The following EPX variants were observed in gnomAD, a reference collection of about 807,000 sequenced individuals.
EPX encodes eosinophil peroxidase.
In EPX, 60 loss-of-function variants were observed where a neutral mutation model predicts 73.0. The ratio of observed to expected loss-of-function variants is 0.82; its 90% CI spans 0.67 to 1.02. The LOEUF is 1.02. EPX is among the 50% of genes least tolerant of loss of function. The probability of loss-of-function intolerance (pLI) is 0.00; values close to 1 mark genes in which losing one functional copy is unlikely to be tolerated. For missense variants in EPX, 950 were observed against 973.9 expected, an observed-to-expected ratio of 0.98 and a Z score of 0.33; for synonymous variants, 347 against 389.2, an observed-to-expected ratio of 0.89 and a Z score of 1.28.
chr17:58,193,046 G>A lies in EPX; in HGVS notation c.85G>A (p.Gly29Arg). The A allele has an allele frequency of 6.2e-7, 1 of 1,611,912 alleles. No homozygotes were observed. Among genetic ancestry groups the A allele is most frequent in the South Asian group, 1.1e-5 (1 of 91,054 alleles). The change falls in exon 2 of 13, where the codon GGG (glycine) becomes AGG (arginine). Residue 29 changes from glycine (G) to arginine (R), a missense_variant. Coordinates refer to ENST00000225371, the MANE Select transcript of EPX (RefSeq NM_000502.6). ...PCEGTDPASP[G>R]AVETSVLRDC... The stretch of plus-strand genomic sequence containing the variant: ...CCCATCTCTTTGAACAGCCTCCCCT[G>A]GGGCAGTGGAGACCTCGGTCCTGCG...
At chr17:58,196,017 T>TTCC (rs1968250448) in intron 6 of EPX, among the ~76,000 whole-genome samples, 1 of 142,636 alleles carries the variant, frequency 7.0e-6, no homozygotes, top group African/African-American at 2.7e-5. Flanking sequence ...CCTTCCTTCA[T>TTCC]TTCCTTCCTT....
rs553765377 is a variant in EPX at position 58,196,959 on chromosome 17, C to T, written c.822C>T (p.Arg274=). The T allele has an allele frequency of 6.2e-7, 1 of 1,614,016 alleles. No individual in the cohort carries two copies. Among genetic ancestry groups the T allele is most frequent in the East Asian group, 2.2e-5 (1 of 44,882 alleles). The change falls in exon 7 of 13, where the codon CGC becomes CGT. Residue 274 remains arginine (R), a synonymous_variant. Transcript: ENST00000225371. ...CTCAGATCCCACCCAATGACCCCCG[C>T]ATCAAGAACCAGCGTGACTGCATCC... ...FPIKIPPNDP[R]IKNQRDCIPF...
In EPX at chr17:58,199,044, C is replaced by T. The variant is rs765814728; in HGVS notation, c.1125C>T (p.Asp375=). ...TCTGAGCTTGGGGTTTTCAAGGTGACACCCGATCAACGGAAACCCCCAAAC... is the reference window on the plus strand; with the variant it reads ...TCTGAGCTTGGGGTTTTCAAGGTGATACCCGATCAACGGAAACCCCCAAAC... ...SARIPCFLAG[D]TRSTETPKLA... Residue 375 remains aspartate, a synonymous_variant, in exon 8 of 13, where the codon GAC becomes GAT. Transcript: ENST00000225371. 6.2e-7 allele frequency: 1 copy of T among 1,613,646 alleles called. No homozygotes were observed. The highest frequency in any genetic ancestry group is 8.5e-7 in the Non-Finnish European group (1 of 1,179,976).
rs1968409729 is a variant in EPX at position 58,204,850 on chromosome 17, G to C, written c.*126G>C. On this transcript the variant is annotated 3_prime_UTR_variant, in exon 13 of 13. Transcript: ENST00000225371. ...TGACGCTTCTGCTGGCTACAGCTCA[G>C]AGCTGGGTTCCCCAGCCAGGAGTGA... is the stretch of plus-strand genomic sequence containing the variant. The C allele has an allele frequency of 4.6e-6, 1 of 216,366 alleles. No homozygotes were observed. The highest frequency in any genetic ancestry group is 2.3e-5 in the African/African-American group (1 of 43,782). The allele number at this position is 216,366 out of a possible 1,614,324, so 13.4% of individuals were successfully genotyped here. A position where few individuals can be genotyped will look rare whatever the true frequency, so the allele number is the denominator to read the frequency against.
At chr17:58,203,596 G>A (rs8077426) in intron 11 of EPX, among the ~76,000 whole-genome samples, 36,065 of 151,782 alleles carry the variant, frequency 0.24, 4,538 homozygotes, top group African/African-American at 0.31. Context: ...GAAAACATGG[G>A]CAGAAAGGGC....
rs1968410514 is a variant in EPX, at chr17:58,204,881, G to T, written c.*157G>T. 1 of 197,174 alleles carries T rather than the reference G, an allele frequency of 5.1e-6. No homozygotes were observed. Among genetic ancestry groups the T allele is most frequent in the Non-Finnish European group, 1.1e-5 (1 of 94,762 alleles). The allele number at this position is 197,174 out of a possible 1,614,324, so 12.2% of individuals were successfully genotyped here. A position where few individuals can be genotyped will look rare whatever the true frequency, so the allele number is the denominator to read the frequency against. ...GGTTCCCCAGCCAGGAGTGAAGGCT[G>T]GGGGCTCCTATCAGCAATGGACCTT... On this transcript the variant is annotated 3_prime_UTR_variant, in exon 13 of 13. Transcript: ENST00000225371.
At chr17:58,201,744 G>A (rs1241267334) in intron 10 of EPX, among the ~76,000 whole-genome samples, 2 of 152,116 alleles carry the variant, frequency 1.3e-5, no homozygotes, top group African/African-American at 2.4e-5. Flanking sequence ...TTCATGGCCC[G>A]ACCTCCTGTG....
chr17:58,199,661 G>A lies in EPX; in HGVS notation c.1404G>A (p.Leu468=). ...CACGGGTGGCCAATGTCTTCACCCT[G>A]GCCTTCCGCTTTGGCCACACAATGC... is the stretch of plus-strand genomic sequence containing the variant. The part of the protein sequence containing the change: ...VDPRVANVFT[L]AFRFGHTMLQ... Residue 468 remains leucine (L), a synonymous_variant, in exon 9 of 13, where the codon CTG becomes CTA. Coordinates refer to ENST00000225371, the MANE Select transcript of EPX (RefSeq NM_000502.6). 1 of 1,614,196 alleles carries A rather than the reference G, an allele frequency of 6.2e-7. No homozygotes were observed. Among genetic ancestry groups the A allele is most frequent in the Non-Finnish European group, 8.5e-7 (1 of 1,180,050 alleles).
chr17:58,193,186 G>T (rs537331786), intron 2 of EPX, 55 bp downstream of exon 2: 15 of 1,375,124 alleles, frequency 1.1e-5, no homozygotes, highest in Admixed American at 3.4e-5. Flanking sequence ...AGGGGCATGG[G>T]CCCCAGCCAA....
intron 5 of EPX, 57 bp downstream of exon 5, chr17:58,194,149 AAC>A: frequency 6.3e-7 from 1 of 1,578,896 alleles, no homozygotes; most frequent in South Asian, 1.1e-5. Flanking sequence ...CGGGGAGTAA[AAC>A]ACAGCCCAGA....
chr17:58,197,107 C>T lies in EPX; in HGVS notation c.970C>T (p.Arg324Trp), dbSNP rs139872491. The T allele has an allele frequency of 1.5e-4, 243 of 1,614,102 alleles. No homozygotes were observed. The highest frequency in any genetic ancestry group is 1.1e-3 in the Admixed American group (66 of 60,012). ...TGGCAGTGAGGTCTCCCTCTCGCTG[C>T]GGCTCCGCAACCGGACCAACTACCT... is the stretch of plus-strand genomic sequence containing the variant. ...VYGSEVSLSLRLRNRTNYLGL... is the reference protein window; with the variant it reads ...VYGSEVSLSLWLRNRTNYLGL... The change falls in exon 7 of 13, where the codon CGG becomes TGG. Residue 324 changes from arginine (R) to tryptophan (W), a missense_variant. Arg to Trp is a moderately radical substitution (Grantham distance 101, BLOSUM62 -3). Coordinates refer to ENST00000225371, the MANE Select transcript of EPX (RefSeq NM_000502.6).
chr17:58,193,714 A>T lies in EPX; in HGVS notation c.347A>T (p.Asp116Val). 6.2e-7 allele frequency: 1 copy of T among 1,609,672 alleles called. No homozygotes were observed. The highest frequency in any genetic ancestry group is 8.5e-7 in the Non-Finnish European group (1 of 1,177,592). Residue 116 changes from aspartate (D) to valine (V), a missense_variant and splice_region_variant, in exon 4 of 13, where the codon GAT becomes GTT. Physicochemically the swap from Asp to Val is radical, Grantham distance 152. Coordinates refer to ENST00000225371, the MANE Select transcript of EPX (RefSeq NM_000502.6). ...PQRSGPFNVT[D>V]VLTEPQLRLL... ...GGTCTGCCCATTTGCCTTCCCACAG[A>T]TGTGCTAACAGAACCACAGCTGCGG...
intron 6 of EPX, among the ~76,000 whole-genome samples, chr17:58,195,472 T>C (rs1968242766): frequency 6.6e-6 from 1 of 152,162 alleles, no homozygotes; most frequent in African/African-American, 2.4e-5. Flanking sequence ...GCCCCTGCTT[T>C]TGGCAACCTA....
At chr17:58,200,023 T>A (rs1368883114) in intron 9 of EPX, among the ~76,000 whole-genome samples, 3 of 152,242 alleles carry the variant, frequency 2.0e-5, no homozygotes, top group Non-Finnish European at 4.4e-5. Flanking sequence ...GTCAGATTGA[T>A]GGGGAGCTCA....
At position 58,200,383 on chromosome 17, in the gene EPX, C is replaced by A. The variant is rs1202343467; in HGVS notation, c.1696C>A (p.His566Asn). The A allele has an allele frequency of 6.2e-7, 1 of 1,614,130 alleles. No individual in the cohort carries two copies. The highest frequency in any genetic ancestry group is 1.3e-5 in the African/African-American group (1 of 75,050). The change falls in exon 10 of 13, where the codon CAC (histidine) becomes AAC (asparagine). Residue 566 changes from histidine to asparagine, a missense_variant. By Grantham distance (68) the His-to-Asn change is moderately conservative. Transcript: ENST00000225371. ...AALNMQRSRDHGLPGYNAWRR... is the reference protein window; with the variant it reads ...AALNMQRSRDNGLPGYNAWRR... ...TCTCAACATGCAACGAAGCCGGGAC[C>A]ACGGCCTTCCAGGTGAGGGGGCTGT...
intron 7 of EPX, among the ~76,000 whole-genome samples, chr17:58,197,834 C>CTTATTA (rs33937391): frequency 6.6e-6 from 1 of 151,732 alleles, no homozygotes. Flanking sequence ...AGATATTTAT[C>CTTATTA]TTATTATTAT....
chr17:58,193,215 C>T, intron 2 of EPX, 84 bp downstream of exon 2: 2 of 1,222,132 alleles, frequency 1.6e-6, no homozygotes, highest in Non-Finnish European at 2.4e-6. Context: ...CACTCATCAG[C>T]CACCTCTGGA....
chr17:58,199,450 A>G, intron 8 of EPX, 89 bp from the exon 9 acceptor site: 2 of 1,438,556 alleles, frequency 1.4e-6, no homozygotes, highest in Non-Finnish European at 1.9e-6. Context: ...ACGTGATGAC[A>G]ATAAAGAATA....
intron 10 of EPX, among the ~76,000 whole-genome samples, chr17:58,201,975 C>T (rs547543148): frequency 6.6e-6 from 1 of 152,330 alleles, no homozygotes; most frequent in South Asian, 2.1e-4. Context: ...CTCCTCTAAT[C>T]CCTTCCCAAG....
Sources: gnomAD v4.1 joint callset for allele counts (sites outside exome capture counted in the v4.1 genomes callset) on GRCh38, gnomAD v4.1.1 for gene constraint, MANE v1.5 for transcripts, NCBI Gene and HGNC (gene_info 2026-07-23, HGNC 2026-07-21) for gene names.